Variants in STAT1 observed in about 807,000 individuals in gnomAD.
STAT1 encodes signal transducer and activator of transcription 1-alpha/beta.
In STAT1, 24 loss-of-function variants were observed where a neutral mutation model predicts 111.7. The ratio of observed to expected loss-of-function variants is 0.21; its 90% confidence interval spans 0.16 to 0.30. STAT1 has a LOEUF of 0.30. STAT1 is among the 10% of genes least tolerant of loss of function. The pLI is 1.00. For synonymous variants in STAT1, 332 were observed against 326.5 expected (o/e 1.02, Z -0.18); for missense variants, 351 against 911.9 (o/e 0.38, Z 7.92).
chr2:191,007,670 G>C lies in STAT1; in HGVS notation c.274-9C>G, dbSNP rs770234030. ...TCTTCCTGAAAATTATCCTAGATTT[G>C]AGTGGTTAGAACAAAAATAAATTAA... On this transcript the variant is annotated splice_polypyrimidine_tract_variant and intron_variant, in intron 4 of 24. Coordinates refer to ENST00000361099, the MANE Select transcript of STAT1 (RefSeq NM_007315.4). The surrounding 1 kb of genome is among the most constrained non-coding windows in gnomAD (Gnocchi z 4.2). The C allele has an allele frequency of 1.0e-5, 16 of 1,577,800 alleles. No homozygotes were observed. The Admixed American group carries it at 1.5e-4, about 15-fold the overall frequency.
Position 190,989,910 on chromosome 2 carries a change from T to C in STAT1, c.1038-236A>G, listed in dbSNP as rs767645357. On this transcript the variant is annotated intron_variant, in intron 11 of 24. Coordinates refer to ENST00000361099, the MANE Select transcript of STAT1 (RefSeq NM_007315.4). This position sits in a 1 kb window ranked among gnomAD's most constrained non-coding sequence, Gnocchi z 5.0. Reference sequence around the variant, plus strand: ...AATTGTAACACTAATTCTGACAGGATGCCGCCCTGATTTTACATTGCCACC... The same window carrying C: ...AATTGTAACACTAATTCTGACAGGACGCCGCCCTGATTTTACATTGCCACC... Among the ~76,000 whole-genome samples the C allele has an allele frequency of 2.6e-5, 4 of 152,224 alleles. No individual in the cohort carries two copies. The highest frequency in any genetic ancestry group is 9.6e-5 in the African/African-American group (4 of 41,462).
Position 190,975,979 on chromosome 2 carries a change from G to T in STAT1, c.2060-92C>A. 1 of 1,141,228 alleles carries T rather than the reference G, an allele frequency of 8.8e-7. No homozygotes were observed. Among genetic ancestry groups the T allele is most frequent in the Non-Finnish European group, 1.3e-6 (1 of 765,966 alleles). The allele number at this position is 1,141,228 out of a possible 1,614,324, so 70.7% of individuals were successfully genotyped here. Reference sequence around the variant, plus strand: ...TTCGGGGGGATTAAAGTTCTACTGTGTTTCTAGACAGCTTAGCCTCCTAAA... The same window carrying T: ...TTCGGGGGGATTAAAGTTCTACTGTTTTTCTAGACAGCTTAGCCTCCTAAA... On this transcript the variant is annotated intron_variant, in intron 22 of 24. Transcript: ENST00000361099. This position sits in a 1 kb window ranked among gnomAD's most constrained non-coding sequence, Gnocchi z 5.9.
At chr2:191,008,055 T>C (rs1294918524) in intron 4 of STAT1, 2 of 451,806 alleles carry the variant, frequency 4.4e-6, no homozygotes, top group African/African-American at 2.0e-5. Context: ...AGCTTTGAAC[T>C]AGACCAAAGA....
intron 12 of STAT1, among the ~76,000 whole-genome samples, chr2:190,988,576 C>T (rs1021009167): frequency 1.3e-5 from 2 of 152,108 alleles, no homozygotes; most frequent in African/African-American, 2.4e-5. Context: ...GACGGGGTTT[C>T]GCCATGTTGG....
chr2:190,978,908 G>T lies in STAT1; in HGVS notation c.1821C>A (p.Ser607=). The stretch of plus-strand genomic sequence containing the variant: ...ATGTGAATGTGATGGCCCCTTCCCG[G>T]GAGCTCTCACTGAACCGCAGCAGGA... ...GTFLLRFSES[S]REGAITFTWV... The change falls in exon 21 of 25, where the codon TCC becomes TCA. Residue 607 remains serine, a synonymous_variant. Transcript: ENST00000361099. The surrounding 1 kb of genome is among the most constrained non-coding windows in gnomAD (Gnocchi z 6.1). 3 of 1,614,122 alleles carry T rather than the reference G, an allele frequency of 1.9e-6. No homozygotes were observed. The highest frequency in any genetic ancestry group is 2.5e-6 in the Non-Finnish European group (3 of 1,180,018).
In STAT1 at chr2:191,012,347, C is replaced by T. The variant is rs138684596; in HGVS notation, c.-2+1178G>A. Among the ~76,000 whole-genome samples, 2 of 151,234 alleles carry T rather than the reference C, an allele frequency of 1.3e-5. No individual in the cohort carries two copies. Among genetic ancestry groups the T allele is most frequent in the South Asian group, 2.1e-4 (1 of 4,804 alleles). ...AGGGGAATTGCTTGAACCCAGGAGG[C>T]GGAGGTTGCAGTGAGCTGAGATCGC... On this transcript the variant is annotated intron_variant, in intron 2 of 24. Coordinates refer to ENST00000361099, the MANE Select transcript of STAT1 (RefSeq NM_007315.4). The surrounding 1 kb of genome is among the most constrained non-coding windows in gnomAD (Gnocchi z 4.0).
In STAT1 at chr2:190,998,242, T is replaced by C. The variant is rs1693997318; in HGVS notation, c.608A>G (p.Tyr203Cys). ...KQEQLLLKKM[Y>C]LMLDNKRKEV... is the part of the protein sequence containing the mutation. The stretch of plus-strand genomic sequence containing the variant: ...CTTTCTCTTATTGTCAAGCATTAAA[T>C]ACATCTTCTTGAGTAACAGCTGTTC... The change falls in exon 8 of 25, where the codon TAT becomes TGT. Residue 203 changes from tyrosine (Y) to cysteine (C), a missense_variant. Around this residue, in one of 7 missense-constraint regions of STAT1, gnomAD observed 67 missense variants for 158.9 expected, o/e 0.42. Transcript: ENST00000361099. The surrounding 1 kb of genome is among the most constrained non-coding windows in gnomAD (Gnocchi z 4.1). 1 of 1,613,626 alleles carries C rather than the reference T, an allele frequency of 6.2e-7. No homozygotes were observed. Among genetic ancestry groups the C allele is most frequent in the Non-Finnish European group, 8.5e-7 (1 of 1,179,816 alleles).
rs1246192362 is a variant in STAT1 at position 190,997,945 on chromosome 2, A to G, written c.696T>C (p.Ile232=). Reference sequence around the variant, plus strand: ...GCTTCCACTCCACTAGTTCATCATTAATCAGGGCATTCTGGGTAAGTTCAG... The same window carrying G: ...GCTTCCACTCCACTAGTTCATCATTGATCAGGGCATTCTGGGTAAGTTCAG... ...NVTELTQNAL[I]NDELVEWKRR... Residue 232 remains isoleucine (I), a synonymous_variant, in exon 9 of 25, where the codon ATT becomes ATC. Coordinates refer to ENST00000361099, the MANE Select transcript of STAT1 (RefSeq NM_007315.4). This position sits in a 1 kb window ranked among gnomAD's most constrained non-coding sequence, Gnocchi z 7.3. 6.2e-7 allele frequency: 1 copy of G among 1,614,222 alleles called. No homozygotes were observed. Among genetic ancestry groups the G allele is most frequent in the East Asian group, 2.2e-5 (1 of 44,876 alleles).
At position 190,993,536 on chromosome 2, in the gene STAT1, T is replaced by C. The variant is rs1693560851; in HGVS notation, c.944+1525A>G. The C allele has an allele frequency of 1.5e-6, 1 of 686,886 alleles. No homozygotes were observed. The highest frequency in any genetic ancestry group is 3.0e-5 in the East Asian group (1 of 32,862). The allele number at this position is 686,886 out of a possible 1,614,324, so 42.5% of individuals were successfully genotyped here. A position where few individuals can be genotyped will look rare whatever the true frequency, so the allele number is the denominator to read the frequency against. ...AGTCGCCAATCAGAAGTAATTTGAATAAATAATCAATTTGGGATTCATGCT... is the reference window on the plus strand; with the variant it reads ...AGTCGCCAATCAGAAGTAATTTGAACAAATAATCAATTTGGGATTCATGCT... On this transcript the variant is annotated intron_variant, in intron 10 of 24. Transcript: ENST00000361099. The surrounding 1 kb of genome is among the most constrained non-coding windows in gnomAD (Gnocchi z 4.1).
rs1157565962 is a variant in STAT1, at chr2:190,989,546, C to A, written c.1097+69G>T. 1.9e-6 allele frequency: 2 copies of A among 1,055,980 alleles called. No homozygotes were observed. Among genetic ancestry groups the A allele is most frequent in the Non-Finnish European group, 2.8e-6 (2 of 708,586 alleles). The allele number at this position is 1,055,980 out of a possible 1,614,324, so 65.4% of individuals were successfully genotyped here. On this transcript the variant is annotated intron_variant, in intron 12 of 24. Transcript: ENST00000361099. This position sits in a 1 kb window ranked among gnomAD's most constrained non-coding sequence, Gnocchi z 5.0. Reference sequence around the variant, plus strand: ...AAATCTGCTTATTTAGTGGAGGAATCTGTGCTTGAGTAACAAAATCAACAT... The same window carrying A: ...AAATCTGCTTATTTAGTGGAGGAATATGTGCTTGAGTAACAAAATCAACAT...
In STAT1 at chr2:190,984,477, G is replaced by A. The variant is rs2125025418; in HGVS notation, c.1264-84C>T. On this transcript the variant is annotated intron_variant, in intron 15 of 24. Coordinates refer to ENST00000361099, the MANE Select transcript of STAT1 (RefSeq NM_007315.4). This position sits in a 1 kb window ranked among gnomAD's most constrained non-coding sequence, Gnocchi z 5.2. ...CAAAAGCCCAATTAACATTGCAACA[G>A]GCCACAGAGATCCTGGGCCCAATCA... The A allele has an allele frequency of 8.6e-7, 1 of 1,169,022 alleles. No individual in the cohort carries two copies. The highest frequency in any genetic ancestry group is 2.4e-5 in the East Asian group (1 of 41,848). 72.4% of individuals were successfully genotyped at this position (1,169,022 alleles called of 1,614,324 possible).
chr2:190,989,694 C>A lies in STAT1; in HGVS notation c.1038-20G>T. The A allele has an allele frequency of 6.4e-7, 1 of 1,570,838 alleles. No homozygotes were observed. Among genetic ancestry groups the A allele is most frequent in the South Asian group, 1.1e-5 (1 of 87,314 alleles). The stretch of plus-strand genomic sequence containing the variant: ...AACAGTCTGGAAAGAAAAATAAAAG[C>A]CATTACTTAAAAAAAATTATCTGTT... On this transcript the variant is annotated intron_variant, in intron 11 of 24. Coordinates refer to ENST00000361099, the MANE Select transcript of STAT1 (RefSeq NM_007315.4). This position sits in a 1 kb window ranked among gnomAD's most constrained non-coding sequence, Gnocchi z 5.0.
In STAT1 at chr2:190,983,834, G is replaced by GTAAATTTGTACATAT. The variant is rs1692573412; in HGVS notation, c.1348-109_1348-95dup. ...CTCAACTAAAAGCAGGGGATTATTT[G>GTAAATTTGTACATAT]TAAATTTGTACATATTTAATACTTG... On this transcript the variant is annotated intron_variant, in intron 16 of 24. Coordinates refer to ENST00000361099, the MANE Select transcript of STAT1 (RefSeq NM_007315.4). This position sits in a 1 kb window ranked among gnomAD's most constrained non-coding sequence, Gnocchi z 5.7. 9.7e-7 allele frequency: 1 copy of GTAAATTTGTACATAT among 1,033,766 alleles called. No homozygotes were observed. Among genetic ancestry groups the GTAAATTTGTACATAT allele is most frequent in the African/African-American group, 1.6e-5 (1 of 63,554 alleles). 64.0% of individuals were successfully genotyped at this position (1,033,766 alleles called of 1,614,324 possible). A position where few individuals can be genotyped will look rare whatever the true frequency, so the allele number is the denominator to read the frequency against.
In STAT1 at chr2:191,001,054, T is replaced by C. The variant is rs370332471; in HGVS notation, c.462+20A>G. 1.3e-6 allele frequency: 2 copies of C among 1,577,070 alleles called. No homozygotes were observed. Among genetic ancestry groups the C allele is most frequent in the African/African-American group, 1.3e-5 (1 of 74,350 alleles). On this transcript the variant is annotated intron_variant, in intron 6 of 24. Coordinates refer to ENST00000361099, the MANE Select transcript of STAT1 (RefSeq NM_007315.4). ...TACAGAAAGTTTCAGAATAAATGCA[T>C]GTGTTTACTCAATACTCACCATAAC...
In STAT1 at chr2:190,975,001, CACTT is replaced by C; in HGVS notation, c.2136-73_2136-70del. 1.8e-6 allele frequency: 2 copies of C among 1,135,758 alleles called. No individual in the cohort carries two copies. The highest frequency in any genetic ancestry group is 1.3e-6 in the Non-Finnish European group (1 of 754,698). The allele number at this position is 1,135,758 out of a possible 1,614,324, so 70.4% of individuals were successfully genotyped here. A position where few individuals can be genotyped will look rare whatever the true frequency, so the allele number is the denominator to read the frequency against. Reference sequence around the variant, plus strand: ...ATGAAAGCACTAGTGCATACTTACACACTTTATCTTTTGTCTGTAATTGAATTAT... The same window carrying C: ...ATGAAAGCACTAGTGCATACTTACACTATCTTTTGTCTGTAATTGAATTAT... On this transcript the variant is annotated intron_variant, in intron 23 of 24. Transcript: ENST00000361099. This position sits in a 1 kb window ranked among gnomAD's most constrained non-coding sequence, Gnocchi z 5.9.
Position 190,982,502 on chromosome 2 carries a change from A to G in STAT1, c.1463T>C (p.Leu488Pro), listed in dbSNP as rs781297102. 1 of 1,614,230 alleles carries G rather than the reference A, an allele frequency of 6.2e-7. No individual in the cohort carries two copies. The highest frequency in any genetic ancestry group is 2.2e-5 in the East Asian group (1 of 44,888). The change falls in exon 18 of 25, where the codon CTG becomes CCG. Residue 488 changes from leucine (L) to proline (P), a missense_variant. Leu to Pro is a moderately conservative substitution (Grantham distance 98). Around this residue, in one of 7 missense-constraint regions of STAT1, gnomAD observed 181 missense variants for 426.1 expected, o/e 0.42. Coordinates refer to ENST00000361099, the MANE Select transcript of STAT1 (RefSeq NM_007315.4). The surrounding 1 kb of genome is among the most constrained non-coding windows in gnomAD (Gnocchi z 7.3). ...VAEPRNLSFF[L>P]TPPCARWAQL... is the part of the protein sequence containing the mutation. Reference sequence around the variant, plus strand: ...AGCCCATCGTGCACATGGTGGAGTCAGGAAGAAGGACAGATTCTAGAGAGA... The same window carrying G: ...AGCCCATCGTGCACATGGTGGAGTCGGGAAGAAGGACAGATTCTAGAGAGA...
chr2:190,980,533 G>C lies in STAT1; in HGVS notation c.1632+87C>G. The stretch of plus-strand genomic sequence containing the variant: ...AAGAACACGCCAAAATAAGCAAACA[G>C]TTAAGTAACTATCACAGCAAGAAAC... On this transcript the variant is annotated intron_variant, in intron 19 of 24. Coordinates refer to ENST00000361099, the MANE Select transcript of STAT1 (RefSeq NM_007315.4). This position sits in a 1 kb window ranked among gnomAD's most constrained non-coding sequence, Gnocchi z 6.1. 1 of 1,465,030 alleles carries C rather than the reference G, an allele frequency of 6.8e-7. No individual in the cohort carries two copies. The highest frequency in any genetic ancestry group is 9.6e-7 in the Non-Finnish European group (1 of 1,044,254). 90.8% of individuals were successfully genotyped at this position (1,465,030 alleles called of 1,614,324 possible). A position where few individuals can be genotyped will look rare whatever the true frequency, so the allele number is the denominator to read the frequency against.
rs148775168 is a variant in STAT1 at position 190,995,212 on chromosome 2, T to C, written c.793A>G (p.Ile265Val). The change falls in exon 10 of 25, where the codon ATA (isoleucine) becomes GTA (valine). Residue 265 changes from isoleucine (I) to valine (V), a missense_variant. Transcript: ENST00000361099. This position sits in a 1 kb window ranked among gnomAD's most constrained non-coding sequence, Gnocchi z 4.2. ...CLDQLQNWFT[I>V]VAESLQQVRQ... Reference sequence around the variant, plus strand: ...ACTTGCTGCAGACTCTCCGCAACTATAGTGAACCTGGGAAGACACAAGACA... The same window carrying C: ...ACTTGCTGCAGACTCTCCGCAACTACAGTGAACCTGGGAAGACACAAGACA... 3.8e-4 allele frequency: 609 copies of C among 1,613,848 alleles called. 2 individuals are homozygous for C. The African/African-American group carries it at 7.0e-3, about 18-fold the overall frequency.
rs1307198386 is a variant in STAT1, at chr2:190,996,685, C to T, written c.785+1171G>A. On this transcript the variant is annotated intron_variant, in intron 9 of 24. Coordinates refer to ENST00000361099, the MANE Select transcript of STAT1 (RefSeq NM_007315.4). This position sits in a 1 kb window ranked among gnomAD's most constrained non-coding sequence, Gnocchi z 4.5. Reference sequence around the variant, plus strand: ...ATCTGGGGTACCTACAGGCAATTCACAGAACAAAAATAAATGGCTGAATAT... The same window carrying T: ...ATCTGGGGTACCTACAGGCAATTCATAGAACAAAAATAAATGGCTGAATAT... 1.3e-5 allele frequency among the ~76,000 whole-genome samples: 2 copies of T among 152,168 alleles called. No homozygotes were observed. Among genetic ancestry groups the T allele is most frequent in the Non-Finnish European group, 1.5e-5 (1 of 68,014 alleles).
Sources: gnomAD v4.1 joint callset for allele counts (sites outside exome capture counted in the v4.1 genomes callset) on GRCh38, gnomAD v4.1.1 for gene constraint, gnomAD v4.1.1 regional missense constraint, Gnocchi (gnomAD v3.1) non-coding constraint, MANE v1.5 for transcripts, NCBI Gene and HGNC (gene_info 2026-07-23, HGNC 2026-07-21) for gene names.